The following DSCAML1 variants were observed in gnomAD, a reference collection of about 807,000 sequenced individuals.
The protein encoded by DSCAML1 is cell adhesion molecule DSCAML1.
Under a neutral mutation model 200.5 loss-of-function variants are expected in DSCAML1, and 38 were observed. The observed-to-expected ratio is 0.19, with a 90% CI of 0.15 to 0.25. The LOEUF is 0.25. DSCAML1 is among the 10% of genes least tolerant of loss of function. The pLI is 1.00. For synonymous variants in DSCAML1, 1,215 were observed against 1,165.0 expected, an observed-to-expected ratio of 1.04 and a Z score of -0.87; for missense variants, 2,223 against 2,858.8, an observed-to-expected ratio of 0.78 and a Z score of 5.07.
At chr11:117,772,173 C>T (rs773939029) in intron 3 of DSCAML1, among the ~76,000 whole-genome samples, 5 of 152,032 alleles carry the variant, frequency 3.3e-5, no homozygotes, top group Non-Finnish European at 5.9e-5. Flanking sequence ...CAGAAGAGAT[C>T]GCTGAATTGA....
chr11:117,541,360 C>T (rs183876866), intron 3 of DSCAML1, among the ~76,000 whole-genome samples: 3 of 152,346 alleles, frequency 2.0e-5, no homozygotes, highest in East Asian at 1.9e-4. Context: ...TTTTGGTTCA[C>T]CCTGTATGCC....
intron 27 of DSCAML1, 25 bp from the exon 28 acceptor site, chr11:117,433,496 G>A: frequency 2.5e-6 from 4 of 1,610,600 alleles, no homozygotes; most frequent in Non-Finnish European, 3.4e-6. Flanking sequence ...AGGGAGAGGA[G>A]GGCTGGGTGA....
chr11:117,765,426 C>T (rs2054879039), intron 3 of DSCAML1, among the ~76,000 whole-genome samples: 1 of 152,210 alleles, frequency 6.6e-6, no homozygotes, highest in Admixed American at 6.5e-5. Flanking sequence ...TCCTCCCCAT[C>T]TAGCCCTCAG....
At chr11:117,462,920 CTG>C (rs2137153783) in intron 17 of DSCAML1, among the ~76,000 whole-genome samples, 1 of 152,362 alleles carries the variant, frequency 6.6e-6, no homozygotes, top group African/African-American at 2.4e-5. Context: ...ACTCCATAGC[CTG>C]TGCTGATCTC....
intron 3 of DSCAML1, among the ~76,000 whole-genome samples, chr11:117,565,954 C>A (rs913573025): frequency 1.3e-5 from 2 of 152,212 alleles, no homozygotes; most frequent in African/African-American, 4.8e-5. Context: ...TGTCTCCCCC[C>A]TCCCTCACTG....
chr11:117,769,715 T>A lies in DSCAML1; in HGVS notation c.511+7076A>T, dbSNP rs2055004629. 2.0e-5 allele frequency among the ~76,000 whole-genome samples: 3 copies of A among 150,234 alleles called. No homozygotes were observed. The South Asian group carries it at 6.2e-4, about 31-fold the overall frequency. Reference sequence around the variant, plus strand: ...CTAACTTTAAGCAATTTACTTAGCGTCTTTGTGCCTCAGCTTGCCCATCTG... The same window carrying A: ...CTAACTTTAAGCAATTTACTTAGCGACTTTGTGCCTCAGCTTGCCCATCTG... On this transcript the variant is annotated intron_variant, in intron 3 of 32. Coordinates refer to ENST00000651296, the MANE Select transcript of DSCAML1 (RefSeq NM_020693.4).
Position 117,516,341 on chromosome 11 carries a change from G to T in DSCAML1, c.1783+126C>A. 8.2e-7 allele frequency: 1 copy of T among 1,225,694 alleles called. No homozygotes were observed. The highest frequency in any genetic ancestry group is 1.1e-6 in the Non-Finnish European group (1 of 893,164). The allele number at this position is 1,225,694 out of a possible 1,614,324, so 75.9% of individuals were successfully genotyped here. On this transcript the variant is annotated intron_variant, in intron 8 of 32. Coordinates refer to ENST00000651296, the MANE Select transcript of DSCAML1 (RefSeq NM_020693.4). This position sits in a 1 kb window ranked among gnomAD's most constrained non-coding sequence, Gnocchi z 5.7. ...CCTTTTTTCTGAATGCCAAGCTGGG[G>T]CCTCTCTTGCTCAGCCTTCCGTTCA...
intron 3 of DSCAML1, among the ~76,000 whole-genome samples, chr11:117,555,989 A>G (rs914503317): frequency 2.6e-5 from 4 of 152,000 alleles, no homozygotes; most frequent in African/African-American, 9.7e-5. Context: ...GGAGGAGGGT[A>G]GGATGTGCAG....
chr11:117,702,284 CCTT>C (rs895885200), intron 3 of DSCAML1, among the ~76,000 whole-genome samples: 15 of 152,288 alleles, frequency 9.8e-5, no homozygotes, highest in African/African-American at 3.4e-4. Context: ...CCTCTGTCCT[CCTT>C]CTTATCCTTG....
At chr11:117,554,566 G>A (rs1172568128) in intron 3 of DSCAML1, among the ~76,000 whole-genome samples, 1 of 151,990 alleles carries the variant, frequency 6.6e-6, no homozygotes, top group Non-Finnish European at 1.5e-5. Context: ...TAGTAGAGAC[G>A]GAGTTTCACC....
chr11:117,636,299 G>A (rs777313556), intron 3 of DSCAML1, among the ~76,000 whole-genome samples: 1 of 152,194 alleles, frequency 6.6e-6, no homozygotes, highest in Admixed American at 6.5e-5. Flanking sequence ...CTTTTTAAGA[G>A]TGGAGCGGCA....
intron 3 of DSCAML1, among the ~76,000 whole-genome samples, chr11:117,718,242 C>T (rs1032205938): frequency 2.0e-5 from 3 of 152,156 alleles, no homozygotes; most frequent in African/African-American, 7.2e-5. Context: ...ACCCCCCTTC[C>T]CGAGGCTGAC....
At chr11:117,538,661 G>GGAGA (rs1232194349) in intron 3 of DSCAML1, among the ~76,000 whole-genome samples, 3 of 152,182 alleles carry the variant, frequency 2.0e-5, no homozygotes, top group African/African-American at 7.2e-5. Flanking sequence ...CAGGAGCCAT[G>GGAGA]GAGAGATAAT....
At chr11:117,687,508 C>T (rs1051570453) in intron 3 of DSCAML1, among the ~76,000 whole-genome samples, 3 of 145,602 alleles carry the variant, frequency 2.1e-5, no homozygotes, top group Admixed American at 7.1e-5. Context: ...TCAAGCAATT[C>T]TCCTGCCTCA....
At chr11:117,815,479 A>G (rs954319) in intron 1 of DSCAML1, among the ~76,000 whole-genome samples, 84,302 of 151,978 alleles carry the variant, frequency 0.55, 24,213 homozygotes, top group African/African-American at 0.71. Flanking sequence ...AGCTCAGAAC[A>G]TTGCCCTCTT....
chr11:117,648,221 A>G (rs1393330138), intron 3 of DSCAML1, among the ~76,000 whole-genome samples: 1 of 152,204 alleles, frequency 6.6e-6, no homozygotes, highest in Non-Finnish European at 1.5e-5. Flanking sequence ...TTTTCTGCCC[A>G]GCTGTGTGTC....
intron 3 of DSCAML1, among the ~76,000 whole-genome samples, chr11:117,704,981 G>A (rs2053733797): frequency 6.6e-6 from 1 of 152,152 alleles, no homozygotes. Context: ...TGCTGTCAAG[G>A]TACGAGTGTG....
chr11:117,729,853 C>T lies in DSCAML1; in HGVS notation c.511+46938G>A, dbSNP rs191781758. Among the ~76,000 whole-genome samples, 386 of 152,284 alleles carry T rather than the reference C, an allele frequency of 2.5e-3. 3 individuals carry two copies. Among genetic ancestry groups the T allele is most frequent in the Non-Finnish European group, 4.4e-3 (296 of 68,022 alleles). ...TGCTGGTATGATTAAATCAAGGAAT[C>T]TGAGATGGGGAGATTATCCAAGTGG... is the stretch of plus-strand genomic sequence containing the variant. On this transcript the variant is annotated intron_variant, in intron 3 of 32. Transcript: ENST00000651296.
chr11:117,767,503 G>A (rs979964019), intron 3 of DSCAML1, among the ~76,000 whole-genome samples: 4 of 152,116 alleles, frequency 2.6e-5, no homozygotes, highest in African/African-American at 9.7e-5. Context: ...AACCTGCAAC[G>A]TACGCTTAAC....
Sources: gnomAD v4.1 joint callset for allele counts (sites outside exome capture counted in the v4.1 genomes callset) on GRCh38, gnomAD v4.1.1 for gene constraint, Gnocchi (gnomAD v3.1) non-coding constraint, MANE v1.5 for transcripts, NCBI Gene and HGNC (gene_info 2026-07-23, HGNC 2026-07-21) for gene names.